Variants in ZNF512B observed in about 807,000 individuals in gnomAD.
The protein encoded by ZNF512B is zinc finger protein 512B.
A neutral mutation model predicts 87.8 loss-of-function variants in ZNF512B; 22 were observed. The ratio of observed to expected loss-of-function variants is 0.25; its 90% confidence interval spans 0.18 to 0.36. ZNF512B has a LOEUF of 0.36. ZNF512B is among the 10% of genes least tolerant of loss of function. The pLI is 1.00. For synonymous variants in ZNF512B, 524 were observed against 490.9 expected (o/e 1.07, Z -0.89); for missense variants, 1,060 against 1,231.6 (o/e 0.86, Z 2.09).
At chr20:63,968,235 C>CACGCAGCTCTACAGTGT (rs2058947776) in intron 1 of ZNF512B, among the ~76,000 whole-genome samples, 1 of 152,374 alleles carries the variant, frequency 6.6e-6, no homozygotes, top group Non-Finnish European at 1.5e-5. Flanking sequence ...CCCTTCCCAA[C>CACGCAGCTCTACAGTGT]ACGCAGCTCT....
chr20:63,967,141 G>C, intron 3 of ZNF512B, 137 bp from the exon 4 acceptor site: 4 of 1,389,136 alleles, frequency 2.9e-6, no homozygotes, highest in Non-Finnish European at 3.9e-6. Flanking sequence ...ACTGCAGTGG[G>C]AATTCAAGCC....
intron 16 of ZNF512B, among the ~76,000 whole-genome samples, 195 bp from the exon 17 acceptor site, chr20:63,960,334 C>T (rs2058836005): frequency 6.9e-6 from 1 of 144,440 alleles, no homozygotes; most frequent in Non-Finnish European, 1.5e-5. Context: ...AGGCAAGCAC[C>T]TGCAGGGGGC....
intron 12 of ZNF512B, 37 bp from the exon 13 acceptor site, chr20:63,962,818 G>C (rs371480860): frequency 6.5e-7 from 1 of 1,545,358 alleles, no homozygotes; most frequent in East Asian, 2.3e-5. Flanking sequence ...AGAGTGAGCC[G>C]CGGGAGCAAG....
In ZNF512B at chr20:63,962,220, G is replaced by A. The variant is rs539872147; in HGVS notation, c.2265+53C>T. On this transcript the variant is annotated intron_variant, in intron 14 of 16. Coordinates refer to ENST00000369888, the MANE Select transcript of ZNF512B (RefSeq NM_020713.3). ...GTTCCTGCTCAGAGGGCCACACCCA[G>A]GCTCTGGCCCTGTATGGCTCCCCAC... 4.0e-5 allele frequency: 61 copies of A among 1,533,802 alleles called. No homozygotes were observed. The African/African-American group carries it at 7.4e-4, about 19-fold the overall frequency.
chr20:63,962,732 C>A lies in ZNF512B; in HGVS notation c.2018G>T (p.Gly673Val), dbSNP rs1166313115. ...ACGCCCGCTTGGGGTCCGCTCCACACCCAGCGGGTCCTCAGCCTCAGGGGA... is the reference window on the plus strand; with the variant it reads ...ACGCCCGCTTGGGGTCCGCTCCACAACCAGCGGGTCCTCAGCCTCAGGGGA... ...DKSPEAEDPL[G>V]VERTPSGRVR... The change falls in exon 13 of 17, where the codon GGT becomes GTT. Residue 673 changes from glycine to valine, a missense_variant. Coordinates refer to ENST00000369888, the MANE Select transcript of ZNF512B (RefSeq NM_020713.3). 6.2e-7 allele frequency: 1 copy of A among 1,603,042 alleles called. No homozygotes were observed. Among genetic ancestry groups the A allele is most frequent in the South Asian group, 1.1e-5 (1 of 89,332 alleles).
rs188314551 is a variant in ZNF512B, at chr20:63,957,690, T to C, written c.*2198A>G. On this transcript the variant is annotated 3_prime_UTR_variant, in exon 17 of 17. Transcript: ENST00000369888. ...ACCCCCAGCAAAAACCAGACCCTCTTCTCTTCTCCCCAAGGGCCAAGTACC... is the reference window on the plus strand; with the variant it reads ...ACCCCCAGCAAAAACCAGACCCTCTCCTCTTCTCCCCAAGGGCCAAGTACC... The C allele has an allele frequency of 1.9e-3, 297 of 152,746 alleles. No homozygotes were observed. The highest frequency in any genetic ancestry group is 3.3e-3 in the Non-Finnish European group (224 of 68,234). 9.5% of individuals were successfully genotyped at this position (152,746 alleles called of 1,614,324 possible). A position where few individuals can be genotyped will look rare whatever the true frequency, so the allele number is the denominator to read the frequency against.
chr20:63,962,918 C>T lies in ZNF512B; in HGVS notation c.1969-137G>A, dbSNP rs1053126821. On this transcript the variant is annotated intron_variant, in intron 12 of 16. Transcript: ENST00000369888. ...GGGGACATGGCTGACGCAGGCAACCCGAGGGAACACGGAGGTTTCACCCTC... is the reference window on the plus strand; with the variant it reads ...GGGGACATGGCTGACGCAGGCAACCTGAGGGAACACGGAGGTTTCACCCTC... The T allele has an allele frequency of 1.2e-4, 151 of 1,259,930 alleles. 1 individual carries two copies. In the East Asian group the frequency reaches 3.1e-3, roughly 26 times the overall value. 78.0% of individuals were successfully genotyped at this position (1,259,930 alleles called of 1,614,324 possible).
Position 63,959,954 on chromosome 20 carries a change from G to A in ZNF512B, c.2613C>T (p.Cys871=), listed in dbSNP as rs1211958709. The change falls in exon 17 of 17, where the codon TGC becomes TGT. Residue 871 remains cysteine (C), a synonymous_variant. Coordinates refer to ENST00000369888, the MANE Select transcript of ZNF512B (RefSeq NM_020713.3). Reference sequence around the variant, plus strand: ...TGGAGCCCCGGGCCCCCTTGTCTCTGCATCCTGGAGGCCAGTCGTCCCGGC... The same window carrying A: ...TGGAGCCCCGGGCCCCCTTGTCTCTACATCCTGGAGGCCAGTCGTCCCGGC... ...PPRRDDWPPG[C]RDKGARGSTG... 28 of 1,610,962 alleles carry A rather than the reference G, an allele frequency of 1.7e-5. No individual in the cohort carries two copies. The highest frequency in any genetic ancestry group is 2.2e-5 in the Non-Finnish European group (26 of 1,179,842).
rs1353338269 is a variant in ZNF512B at position 63,957,601 on chromosome 20, T to C, written c.*2287A>G. 1.3e-5 allele frequency: 2 copies of C among 152,556 alleles called. No individual in the cohort carries two copies. The highest frequency in any genetic ancestry group is 2.4e-5 in the African/African-American group (1 of 41,424). The allele number at this position is 152,556 out of a possible 1,614,324, so 9.5% of individuals were successfully genotyped here. On this transcript the variant is annotated 3_prime_UTR_variant, in exon 17 of 17. Transcript: ENST00000369888. ...GGGGTTAAAGTGCTAAACATCAAGGTATCCAGGACTCCTCTTCCCACACCA... is the reference window on the plus strand; with the variant it reads ...GGGGTTAAAGTGCTAAACATCAAGGCATCCAGGACTCCTCTTCCCACACCA...
At chr20:63,962,112 G>A in intron 14 of ZNF512B, 108 bp from the exon 15 acceptor site, 2 of 1,377,182 alleles carry the variant, frequency 1.5e-6, no homozygotes, top group Non-Finnish European at 2.0e-6. Flanking sequence ...GCAAGTGAGG[G>A]GGTGTGAGTC....
rs376642783 is a variant in ZNF512B, at chr20:63,966,189, G to A, written c.986C>T (p.Ser329Leu). The A allele has an allele frequency of 1.4e-5, 23 of 1,613,576 alleles. No homozygotes were observed. In the East Asian group the frequency reaches 1.8e-4, roughly 13 times the overall value. The change falls in exon 5 of 17, where the codon TCG (serine) becomes TTG (leucine). Residue 329 changes from serine to leucine, a missense_variant. By Grantham distance (145) the Ser-to-Leu change is moderately radical (BLOSUM62 -2). Transcript: ENST00000369888. ...TGTGGCACGAGGTGCTTTGTTCTCC[G>A]ACCTGGTCAGCAGCACCATTTTGCA... ...PPCKMVLLTR[S>L]ENKAPRATGR...
At position 63,966,472 on chromosome 20, in the gene ZNF512B, G is replaced by A; in HGVS notation, c.703C>T (p.Pro235Ser). 6.2e-7 allele frequency: 1 copy of A among 1,613,792 alleles called. No individual in the cohort carries two copies. The highest frequency in any genetic ancestry group is 1.3e-5 in the African/African-American group (1 of 74,958). Residue 235 changes from proline to serine, a missense_variant, in exon 5 of 17, where the codon CCA becomes TCA. By Grantham distance (74) the Pro-to-Ser change is moderately conservative (BLOSUM62 -1). Coordinates refer to ENST00000369888, the MANE Select transcript of ZNF512B (RefSeq NM_020713.3). ...CTGACTGTGACAGGTTTGGTGACTG[G>A]CACGGGCCTAGTGACCGGGATGGCC... The part of the protein sequence containing the change: ...TKAIPVTRPV[P>S]VTKPVTVSRP...
chr20:63,962,532 C>T, intron 13 of ZNF512B, 55 bp downstream of exon 13: 1 of 1,568,426 alleles, frequency 6.4e-7, no homozygotes, highest in African/African-American at 1.4e-5. Flanking sequence ...CAGGCCAAGG[C>T]ATGCCCCACG....
rs567244765 is a variant in ZNF512B at position 63,967,419 on chromosome 20, G to T, written c.226C>A (p.Arg76=). 1.9e-6 allele frequency: 3 copies of T among 1,612,838 alleles called. No homozygotes were observed. The highest frequency in any genetic ancestry group is 8.5e-7 in the Non-Finnish European group (1 of 1,179,296). ...SDKTEGKKKG[R]PKAENQALRD... is the part of the protein sequence containing the mutation. ...AGGGCCTGGTTCTCGGCTTTTGGCC[G>T]CCCCTTTTTCTTCCCTTCTGTCTTG... Residue 76 remains arginine (R), a synonymous_variant, in exon 3 of 17, where the codon CGG becomes AGG. Coordinates refer to ENST00000369888, the MANE Select transcript of ZNF512B (RefSeq NM_020713.3).
In ZNF512B at chr20:63,959,864, G is replaced by A. The variant is rs2058829846; in HGVS notation, c.*24C>T. 4 of 1,531,804 alleles carry A rather than the reference G, an allele frequency of 2.6e-6. No homozygotes were observed. Among genetic ancestry groups the A allele is most frequent in the African/African-American group, 2.8e-5 (2 of 72,320 alleles). The allele number at this position is 1,531,804 out of a possible 1,614,324, so 94.9% of individuals were successfully genotyped here. A position where few individuals can be genotyped will look rare whatever the true frequency, so the allele number is the denominator to read the frequency against. Reference sequence around the variant, plus strand: ...CAGAGGGCGGTGTGGCGGCTGCATGGGGGCCAGGCCCCACGCACCATGCTC... The same window carrying A: ...CAGAGGGCGGTGTGGCGGCTGCATGAGGGCCAGGCCCCACGCACCATGCTC... On this transcript the variant is annotated 3_prime_UTR_variant, in exon 17 of 17. Transcript: ENST00000369888.
Position 63,961,284 on chromosome 20 carries a change from C to T in ZNF512B, c.2427+25G>A. 6.2e-7 allele frequency: 1 copy of T among 1,608,988 alleles called. No homozygotes were observed. The highest frequency in any genetic ancestry group is 8.5e-7 in the Non-Finnish European group (1 of 1,178,452). On this transcript the variant is annotated intron_variant, in intron 16 of 16. Transcript: ENST00000369888. The surrounding 1 kb of genome is among the most constrained non-coding windows in gnomAD (Gnocchi z 6.4). Reference sequence around the variant, plus strand: ...CCCCTCCTGGGCTAGCCCCCAGCCACAGGCCCTGGTGATGGCCCTCGCACC... The same window carrying T: ...CCCCTCCTGGGCTAGCCCCCAGCCATAGGCCCTGGTGATGGCCCTCGCACC...
chr20:63,961,502 G>T lies in ZNF512B; in HGVS notation c.2329-95C>A. 2 of 1,216,410 alleles carry T rather than the reference G, an allele frequency of 1.6e-6. No individual in the cohort carries two copies. The highest frequency in any genetic ancestry group is 1.8e-5 in the Admixed American group (1 of 54,622). 75.4% of individuals were successfully genotyped at this position (1,216,410 alleles called of 1,614,324 possible). On this transcript the variant is annotated intron_variant, in intron 15 of 16. Coordinates refer to ENST00000369888, the MANE Select transcript of ZNF512B (RefSeq NM_020713.3). This position sits in a 1 kb window ranked among gnomAD's most constrained non-coding sequence, Gnocchi z 6.4. ...GGCTAAAGGGTCAGAGTCAGCGGTG[G>T]CCCAAGGAAAGCTGTGGCTGTCTGT...
chr20:63,967,522 C>T lies in ZNF512B; in HGVS notation c.123G>A (p.Gly41=). Residue 41 remains glycine, a splice_region_variant and synonymous_variant, in exon 3 of 17, where the codon GGG becomes GGA. Coordinates refer to ENST00000369888, the MANE Select transcript of ZNF512B (RefSeq NM_020713.3). ...LPMLHDPPKM[G]MPVVRGGQTV... is the part of the protein sequence containing the mutation. ...TCTGTCCACCACGGACCACCGGCAT[C>T]CCTGCAGCACACAACACAGCAAGGC... The T allele has an allele frequency of 6.3e-7, 1 of 1,598,040 alleles. No individual in the cohort carries two copies. The highest frequency in any genetic ancestry group is 8.5e-7 in the Non-Finnish European group (1 of 1,171,214).
At chr20:63,968,984 T>G (rs963591250) in intron 1 of ZNF512B, 11 of 421,924 alleles carry the variant, frequency 2.6e-5, no homozygotes, top group Non-Finnish European at 3.5e-5. Flanking sequence ...CCTGATAGCT[T>G]CTAATTAACT....
Sources: allele counts gnomAD v4.1 joint callset (sites outside exome capture counted in the v4.1 genomes callset), GRCh38; gene constraint gnomAD v4.1.1; non-coding constraint Gnocchi (gnomAD v3.1); transcripts MANE v1.5; gene names NCBI Gene and HGNC (gene_info 2026-07-23, HGNC 2026-07-21).